RPTOR: variants seen among roughly 807,000 people sequenced by gnomAD.
The protein encoded by RPTOR is regulatory-associated protein of mTOR.
A neutral mutation model predicts 169.9 loss-of-function variants in RPTOR; 21 were observed. The ratio of observed to expected loss-of-function variants is 0.12; its 90% confidence interval spans 0.09 to 0.18. RPTOR has a LOEUF of 0.18. Ranked by LOEUF, RPTOR falls within the 10% of genes least tolerant of loss-of-function variation. The pLI, the probability that RPTOR is intolerant of heterozygous loss-of-function variation, is 1.00. For synonymous variants in RPTOR, 732 were observed against 753.2 expected, an observed-to-expected ratio of 0.97 and a Z score of 0.46; for missense variants, 1,133 against 1,855.9, an observed-to-expected ratio of 0.61 and a Z score of 7.16.
intron 13 of RPTOR, among the ~76,000 whole-genome samples, chr17:80,872,569 G>A (rs985230527): frequency 6.6e-6 from 1 of 152,230 alleles, no homozygotes; most frequent in African/African-American, 2.4e-5. Flanking sequence ...GGGTCTGTCG[G>A]TGCCCCCTGG....
At chr17:80,737,162 T>G (rs2066440290) in intron 5 of RPTOR, among the ~76,000 whole-genome samples, 1 of 152,218 alleles carries the variant, frequency 6.6e-6, no homozygotes, top group Non-Finnish European at 1.5e-5. Flanking sequence ...TCTGTCATAC[T>G]GGAGGTATGT....
At chr17:80,601,573 A>AT (rs1567814755) in intron 1 of RPTOR, among the ~76,000 whole-genome samples, 29 of 14,180 alleles carry the variant, frequency 2.0e-3, no homozygotes, top group Admixed American at 3.4e-3. Context: ...TTTTTTTTTT[A>AT]AATTTATTTT....
At chr17:80,873,056 C>G (rs1308039572) in intron 13 of RPTOR, among the ~76,000 whole-genome samples, 1 of 152,196 alleles carries the variant, frequency 6.6e-6, no homozygotes, top group Non-Finnish European at 1.5e-5. Context: ...GTCCCACACT[C>G]TTTCGCTACT....
intron 20 of RPTOR, among the ~76,000 whole-genome samples, chr17:80,900,404 C>T (rs1052816163): frequency 1.3e-5 from 2 of 152,044 alleles, no homozygotes; most frequent in Non-Finnish European, 2.9e-5. Context: ...CTGCTCACTG[C>T]CTCCCGGGTT....
chr17:80,607,439 C>T (rs2065237149), intron 1 of RPTOR, among the ~76,000 whole-genome samples: 1 of 151,972 alleles, frequency 6.6e-6, no homozygotes, highest in African/African-American at 2.4e-5. Context: ...TATATGTTAG[C>T]TTACTAGTTG....
chr17:80,621,228 A>T (rs1347557317), intron 1 of RPTOR, among the ~76,000 whole-genome samples: 1 of 152,202 alleles, frequency 6.6e-6, no homozygotes, highest in Non-Finnish European at 1.5e-5. Flanking sequence ...TAGCCATCCC[A>T]TGGGACTAAA....
intron 9 of RPTOR, among the ~76,000 whole-genome samples, chr17:80,834,449 T>C (rs1156927210): frequency 6.6e-6 from 1 of 152,182 alleles, no homozygotes. Flanking sequence ...TCCTGGGCTT[T>C]GTGTCATCCC....
At chr17:80,797,077 C>T (rs532300674) in intron 7 of RPTOR, among the ~76,000 whole-genome samples, 1 of 152,162 alleles carries the variant, frequency 6.6e-6, no homozygotes, top group Non-Finnish European at 1.5e-5. Context: ...TTTTGTTCCC[C>T]AATTATGTTT....
At chr17:80,565,431 G>A (rs1329224625) in intron 1 of RPTOR, among the ~76,000 whole-genome samples, 1 of 152,232 alleles carries the variant, frequency 6.6e-6, no homozygotes, top group African/African-American at 2.4e-5. Context: ...GAGGAGCAAG[G>A]TGGGCTGGTG....
In RPTOR at chr17:80,726,838, T is replaced by G. The variant is rs2066339403; in HGVS notation, c.508-3722T>G. 6.6e-6 allele frequency among the ~76,000 whole-genome samples: 1 copy of G among 152,152 alleles called. No individual in the cohort carries two copies. Among genetic ancestry groups the G allele is most frequent in the Non-Finnish European group, 1.5e-5 (1 of 68,024 alleles). On this transcript the variant is annotated intron_variant, in intron 4 of 33. Coordinates refer to ENST00000306801, the MANE Select transcript of RPTOR (RefSeq NM_020761.3). This position sits in a 1 kb window ranked among gnomAD's most constrained non-coding sequence, Gnocchi z 4.5. ...TGTCCCAGGCTGCTGCCAAAATCCT[T>G]TCTCCTGTCAGCGTGGGGGGTGATC...
chr17:80,912,992 TTGTGTGTGTGTGTC>T (rs1233491979), intron 21 of RPTOR, among the ~76,000 whole-genome samples: 1 of 151,946 alleles, frequency 6.6e-6, no homozygotes, highest in Admixed American at 6.6e-5. Context: ...CAGCATGAGC[TTGTGTGTGTGTGTC>T]TGTGTGCGTG....
At chr17:80,830,080 T>C (rs539706872) in intron 9 of RPTOR, among the ~76,000 whole-genome samples, 1 of 152,282 alleles carries the variant, frequency 6.6e-6, no homozygotes, top group East Asian at 1.9e-4. Flanking sequence ...TAGATCCTCG[T>C]AGGAGAAGAA....
intron 6 of RPTOR, among the ~76,000 whole-genome samples, chr17:80,776,937 G>C (rs1343100681): frequency 1.3e-5 from 2 of 152,150 alleles, no homozygotes; most frequent in African/African-American, 4.8e-5. Flanking sequence ...CTGAGTTATT[G>C]ATCAGGAAGT....
chr17:80,600,214 G>A (rs2065175217), intron 1 of RPTOR, among the ~76,000 whole-genome samples: 1 of 152,194 alleles, frequency 6.6e-6, no homozygotes, highest in Non-Finnish European at 1.5e-5. Flanking sequence ...AGGAGGTAAA[G>A]GGCTTGTCTC....
intron 4 of RPTOR, among the ~76,000 whole-genome samples, chr17:80,717,497 A>C (rs1382988010): frequency 2.0e-5 from 3 of 151,942 alleles, no homozygotes; most frequent in South Asian, 2.1e-4. Flanking sequence ...TTATCCTTTC[A>C]TAGGTTTATT....
chr17:80,602,918 G>A (rs1373042802), intron 1 of RPTOR: 13 of 443,502 alleles, frequency 2.9e-5, no homozygotes, highest in Middle Eastern at 7.1e-4. Context: ...CCTTTTCTGC[G>A]GGAGCCATTC....
intron 20 of RPTOR, among the ~76,000 whole-genome samples, chr17:80,908,255 C>T (rs956511817): frequency 2.0e-5 from 3 of 152,182 alleles, no homozygotes; most frequent in Admixed American, 6.5e-5. Context: ...TTGGGTGAGT[C>T]GGGAGAGGCT....
intron 1 of RPTOR, among the ~76,000 whole-genome samples, chr17:80,611,436 T>C (rs1370966416): frequency 6.6e-6 from 1 of 152,038 alleles, no homozygotes; most frequent in Non-Finnish European, 1.5e-5. Flanking sequence ...TAATTTTTTA[T>C]TTGTACTTCT....
rs567985929 is a variant in RPTOR, at chr17:80,754,353, G to A, written c.830+168G>A. 1.3e-5 allele frequency among the ~76,000 whole-genome samples: 2 copies of A among 152,250 alleles called. No individual in the cohort carries two copies. Among genetic ancestry groups the A allele is most frequent in the East Asian group, 3.9e-4 (2 of 5,170 alleles). ...TTCGGGATTCCAGGTGGAGGTTTGG[G>A]TTCTACTCTTTGAGAGCTCAAGATC... is the stretch of plus-strand genomic sequence containing the variant. On this transcript the variant is annotated intron_variant, in intron 6 of 33. Transcript: ENST00000306801. This position sits in a 1 kb window ranked among gnomAD's most constrained non-coding sequence, Gnocchi z 4.2.
Sources: gnomAD v4.1 joint callset for allele counts (sites outside exome capture counted in the v4.1 genomes callset) on GRCh38, gnomAD v4.1.1 for gene constraint, Gnocchi (gnomAD v3.1) non-coding constraint, MANE v1.5 for transcripts, NCBI Gene and HGNC (gene_info 2026-07-23, HGNC 2026-07-21) for gene names.